ADD1: variants seen among roughly 807,000 people sequenced by gnomAD.
The protein encoded by ADD1 is alpha-adducin.
In ADD1, 24 loss-of-function variants were observed where a neutral mutation model predicts 80.5. That is an observed-to-expected ratio of 0.30 (90% CI 0.22 to 0.42). ADD1 has a LOEUF of 0.42. ADD1 is among the 10% of genes least tolerant of loss of function. The pLI, the probability that ADD1 is intolerant of heterozygous loss-of-function variation, is 1.00. For synonymous variants in ADD1, 373 were observed against 393.8 expected (o/e 0.95, Z 0.63); for missense variants, 948 against 1,019.0 (o/e 0.93, Z 0.95).
chr4:2,898,304 A>G lies in ADD1; in HGVS notation c.862A>G (p.Lys288Glu), dbSNP rs1735598147. ...TGAAGAGGAAAAAGTTTTGATTCAG[A>G]AAAATCTGGGGCCTAAAAGCAAGGT... is the stretch of plus-strand genomic sequence containing the variant. ...VDEEEKVLIQ[K>E]NLGPKSKVLI... Residue 288 changes from lysine to glutamate, a missense_variant, in exon 7 of 16, where the codon AAA (lysine) becomes GAA (glutamate). Coordinates refer to ENST00000683351, the MANE Select transcript of ADD1 (RefSeq NM_001354761.2). The G allele has an allele frequency of 6.2e-7, 1 of 1,614,226 alleles. No homozygotes were observed. The highest frequency in any genetic ancestry group is 1.7e-5 in the Admixed American group (1 of 60,016).
At chr4:2,866,393 C>G (rs1489087569) in intron 1 of ADD1, among the ~76,000 whole-genome samples, 1 of 152,170 alleles carries the variant, frequency 6.6e-6, no homozygotes, top group East Asian at 1.9e-4. Flanking sequence ...CCAGGCTGGT[C>G]TCAAAGTCCT....
chr4:2,848,212 CAAA>C (rs1318761193), intron 1 of ADD1, among the ~76,000 whole-genome samples: 1 of 97,724 alleles, frequency 1.0e-5, no homozygotes. Context: ...GACTCCGTCT[CAAA>C]AAAAAAAAAA....
At chr4:2,856,492 A>G (rs977939269) in intron 1 of ADD1, among the ~76,000 whole-genome samples, 1 of 150,814 alleles carries the variant, frequency 6.6e-6, no homozygotes, top group Admixed American at 6.6e-5. Flanking sequence ...CATGTCTTTC[A>G]GCTCTGGGAA....
At chr4:2,891,269 G>A (rs1040111366) in intron 4 of ADD1, among the ~76,000 whole-genome samples, 3 of 152,016 alleles carry the variant, frequency 2.0e-5, no homozygotes, top group African/African-American at 7.2e-5. Flanking sequence ...CCTGGCTGAC[G>A]TGGTGAAACC....
At chr4:2,882,103 G>A (rs772914237) in intron 3 of ADD1, 43 bp downstream of exon 3, 9 of 1,520,138 alleles carry the variant, frequency 5.9e-6, no homozygotes, top group Non-Finnish European at 8.8e-7. Flanking sequence ...GTAGTTTTCA[G>A]GTAAAATTTC....
intron 10 of ADD1, among the ~76,000 whole-genome samples, chr4:2,906,853 T>TAA (rs771195333): frequency 2.0e-5 from 3 of 152,352 alleles, no homozygotes; most frequent in Non-Finnish European, 4.4e-5. Context: ...GTTGCTTTTT[T>TAA]TAAAGTCGTA....
At chr4:2,911,587 G>A (rs1738065698) in intron 13 of ADD1, among the ~76,000 whole-genome samples, 1 of 151,626 alleles carries the variant, frequency 6.6e-6, no homozygotes, top group African/African-American at 2.4e-5. Flanking sequence ...CTGAGTAGCT[G>A]GGACTACAGG....
chr4:2,894,702 G>A lies in ADD1; in HGVS notation c.712G>A (p.Val238Met), dbSNP rs374392385. The A allele has an allele frequency of 1.4e-5, 23 of 1,602,714 alleles. No homozygotes were observed. Among genetic ancestry groups the A allele is most frequent in the South Asian group, 3.4e-5 (3 of 88,304 alleles). ...YAARPDVKCV[V>M]HIHTPAGAAV... is the part of the protein sequence containing the mutation. The stretch of plus-strand genomic sequence containing the variant: ...TGCACGCCCGGACGTGAAGTGCGTC[G>A]TGCACATTCACACCCCAGCAGGGGC... The change falls in exon 6 of 16, where the codon GTG (valine) becomes ATG (methionine). Residue 238 changes from valine to methionine, a missense_variant. Transcript: ENST00000683351.
At chr4:2,853,366 C>CA (rs1380222247) in intron 1 of ADD1, among the ~76,000 whole-genome samples, 3 of 152,010 alleles carry the variant, frequency 2.0e-5, no homozygotes, top group African/African-American at 7.3e-5. Flanking sequence ...CTCAGCCTCC[C>CA]AAAGTGCTGG....
intron 1 of ADD1, among the ~76,000 whole-genome samples, chr4:2,852,181 T>TCTTCCTTTCTTC (rs1560138075): frequency 3.8e-4 from 21 of 55,914 alleles, no homozygotes; most frequent in African/African-American, 1.6e-3. Context: ...TTTCTTTCTT[T>TCTTCCTTTCTTC]CTTTCTTTCT....
At chr4:2,899,016 G>T in intron 8 of ADD1, 1 of 500,300 alleles carries the variant, frequency 2.0e-6, no homozygotes, top group Non-Finnish European at 3.5e-6. Context: ...GTCCTTTGTA[G>T]GATCCTGAAA....
intron 9 of ADD1, 126 bp downstream of exon 9, chr4:2,899,561 G>A: frequency 2.9e-6 from 3 of 1,020,678 alleles, no homozygotes; most frequent in Non-Finnish European, 3.0e-6. Context: ...TCAAAGTCAT[G>A]AAGAAGCACT....
intron 4 of ADD1, among the ~76,000 whole-genome samples, chr4:2,891,414 T>C (rs576078547): frequency 6.6e-6 from 1 of 151,772 alleles, no homozygotes; most frequent in South Asian, 2.1e-4. Flanking sequence ...GCCCCTGCAC[T>C]CCAGCCTGGG....
chr4:2,920,140 T>TAA (rs1405032760), intron 14 of ADD1, among the ~76,000 whole-genome samples: 3 of 152,246 alleles, frequency 2.0e-5, no homozygotes, highest in Non-Finnish European at 4.4e-5. Flanking sequence ...TCCATGTAGT[T>TAA]ACGCAGTTTT....
intron 1 of ADD1, among the ~76,000 whole-genome samples, chr4:2,845,397 T>A (rs1397090486): frequency 6.6e-6 from 1 of 152,158 alleles, no homozygotes; most frequent in Non-Finnish European, 1.5e-5. Context: ...TATACTCCTT[T>A]GATTTTGACA....
At chr4:2,927,060 G>A (rs1356748238) in intron 15 of ADD1, among the ~76,000 whole-genome samples, 30 of 152,250 alleles carry the variant, frequency 2.0e-4, no homozygotes, top group Admixed American at 2.0e-3. Context: ...GATTGCCTTG[G>A]ACCTTTGCTG....
At chr4:2,894,517 A>C in intron 5 of ADD1, 65 bp from the exon 6 acceptor site, 1 of 1,485,030 alleles carries the variant, frequency 6.7e-7, no homozygotes, top group Non-Finnish European at 9.0e-7. Flanking sequence ...TCAAAAAAAA[A>C]AAAAAAAAGA....
intron 1 of ADD1, among the ~76,000 whole-genome samples, chr4:2,845,113 G>C (rs923765851): frequency 6.6e-6 from 1 of 151,916 alleles, no homozygotes. Context: ...TCGCTCTGTC[G>C]CCAGGCTGGA....
intron 1 of ADD1, among the ~76,000 whole-genome samples, chr4:2,848,397 A>G (rs895467325): frequency 1.3e-5 from 2 of 152,198 alleles, no homozygotes; most frequent in African/African-American, 4.8e-5. Flanking sequence ...CTTTTTAAAC[A>G]GTTGTTATAA....
Sources: gnomAD v4.1 joint callset for allele counts (sites outside exome capture counted in the v4.1 genomes callset) on GRCh38, gnomAD v4.1.1 for gene constraint, MANE v1.5 for transcripts, NCBI Gene and HGNC (gene_info 2026-07-23, HGNC 2026-07-21) for gene names.